The following NALCN variants were observed in gnomAD, a reference collection of about 807,000 sequenced individuals.
The protein encoded by NALCN is sodium leak channel NALCN.
Under a neutral mutation model 225.3 loss-of-function variants are expected in NALCN, and 111 were observed. The observed-to-expected ratio is 0.49, with a 90% confidence interval of 0.42 to 0.58. The LOEUF (loss-of-function observed/expected upper bound fraction) is 0.58. NALCN is among the 20% of genes least tolerant of loss of function. The pLI is 0.00. For missense variants in NALCN, 1,378 were observed against 2,202.4 expected (o/e 0.63, Z 7.49); for synonymous variants, 764 against 769.0 (o/e 0.99, Z 0.11).
At chr13:101,127,389 C>T (rs538523881) in intron 17 of NALCN, among the ~76,000 whole-genome samples, 49 of 152,238 alleles carry the variant, frequency 3.2e-4, no homozygotes, top group Non-Finnish European at 6.5e-4. Flanking sequence ...GAAAGAGTCT[C>T]ACTCTGTTGC....
At chr13:101,172,542 G>T (rs887004448) in intron 15 of NALCN, among the ~76,000 whole-genome samples, 3 of 152,062 alleles carry the variant, frequency 2.0e-5, no homozygotes, top group Admixed American at 2.0e-4. Flanking sequence ...ACTGAGTGTT[G>T]CATGTTAACA....
At chr13:101,290,558 C>A (rs951200018) in intron 9 of NALCN, among the ~76,000 whole-genome samples, 2 of 152,172 alleles carry the variant, frequency 1.3e-5, no homozygotes, top group African/African-American at 4.8e-5. Flanking sequence ...TTCAAAAAAC[C>A]TTTCATGGAA....
intron 6 of NALCN, among the ~76,000 whole-genome samples, chr13:101,366,598 A>ACATACCATC (rs2046382677): frequency 2.0e-5 from 3 of 152,180 alleles, no homozygotes; most frequent in African/African-American, 7.2e-5. Flanking sequence ...ACCTTAGCTT[A>ACATACCATC]ATATGTGACT....
intron 1 of NALCN, among the ~76,000 whole-genome samples, chr13:101,414,189 G>C (rs1272278893): frequency 6.6e-6 from 1 of 151,940 alleles, no homozygotes; most frequent in African/African-American, 2.4e-5. Context: ...GTGGCCTTGG[G>C]GACCATTCTT....
At chr13:101,298,557 G>A (rs1454652918) in intron 7 of NALCN, among the ~76,000 whole-genome samples, 3 of 152,124 alleles carry the variant, frequency 2.0e-5, no homozygotes, top group Admixed American at 6.5e-5. Context: ...CCTGACCTCA[G>A]GTGATCCACT....
rs1566669133 is a variant in NALCN, at chr13:101,415,224, T to TATATATATATATATATATATAC, written c.-40+1088_-40+1089insGTATATATATATATATATATAT. On this transcript the variant is annotated intron_variant, in intron 1 of 43. Coordinates refer to ENST00000251127, the MANE Select transcript of NALCN (RefSeq NM_052867.4). ...AATCACACACATATATATATATATA[T>TATATATATATATATATATATAC]ACATACATATATATTTCAAAATCGC... 1.1e-3 allele frequency among the ~76,000 whole-genome samples: 81 copies of TATATATATATATATATATATAC among 76,762 alleles called. 2 individuals carry two copies. The highest frequency in any genetic ancestry group is 1.7e-3 in the Non-Finnish European group (64 of 38,414). 50.4% of individuals were successfully genotyped at this position (76,762 alleles called of 152,430 possible).
chr13:101,064,408 A>T (rs905778508), intron 40 of NALCN, among the ~76,000 whole-genome samples: 17 of 152,170 alleles, frequency 1.1e-4, no homozygotes, highest in African/African-American at 3.9e-4. Context: ...TGGAGTCCTA[A>T]CCTCTAGTAC....
chr13:101,395,155 T>G, intron 3 of NALCN, 28 bp downstream of exon 3: 1 of 1,590,510 alleles, frequency 6.3e-7, no homozygotes, highest in Non-Finnish European at 8.6e-7. Context: ...ATTTAGGTTC[T>G]TAGTTTAAAT....
intron 6 of NALCN, among the ~76,000 whole-genome samples, chr13:101,356,511 T>C (rs1384558728): frequency 6.6e-6 from 1 of 152,016 alleles, no homozygotes; most frequent in Non-Finnish European, 1.5e-5. Context: ...AATAAACCAA[T>C]AACAAGTTCT....
At chr13:101,259,044 C>T (rs2042331827) in intron 10 of NALCN, among the ~76,000 whole-genome samples, 2 of 152,088 alleles carry the variant, frequency 1.3e-5, no homozygotes, top group Admixed American at 6.5e-5. Flanking sequence ...TTACTTATTA[C>T]TTCCATAAAT....
At chr13:101,203,392 T>A (rs892264297) in intron 13 of NALCN, among the ~76,000 whole-genome samples, 4 of 152,126 alleles carry the variant, frequency 2.6e-5, no homozygotes, top group African/African-American at 9.7e-5. Flanking sequence ...ACTTTTGTAT[T>A]TTTTAGTAGA....
chr13:101,085,984 T>C (rs1259663472), intron 30 of NALCN, among the ~76,000 whole-genome samples: 2 of 152,152 alleles, frequency 1.3e-5, no homozygotes, highest in African/African-American at 4.8e-5. Context: ...TTTCTAGTTT[T>C]TTCTGTAAGT....
At chr13:101,340,412 C>G (rs1011543770) in intron 7 of NALCN, among the ~76,000 whole-genome samples, 1 of 152,196 alleles carries the variant, frequency 6.6e-6, no homozygotes, top group Non-Finnish European at 1.5e-5. Context: ...TATCTATGTC[C>G]TGCCCTCCCT....
At chr13:101,274,579 CAT>C (rs1374064471) in intron 10 of NALCN, among the ~76,000 whole-genome samples, 1 of 152,128 alleles carries the variant, frequency 6.6e-6, no homozygotes, top group Non-Finnish European at 1.5e-5. Flanking sequence ...CTGACAGACA[CAT>C]AGGTATTTTT....
chr13:101,347,204 A>T (rs1195286713), intron 6 of NALCN, among the ~76,000 whole-genome samples: 1 of 151,952 alleles, frequency 6.6e-6, no homozygotes, highest in African/African-American at 2.4e-5. Flanking sequence ...TCTCAGCCAT[A>T]AACAAAGCTC....
intron 10 of NALCN, among the ~76,000 whole-genome samples, chr13:101,281,245 A>G (rs1285648359): frequency 6.6e-6 from 1 of 152,114 alleles, no homozygotes; most frequent in South Asian, 2.1e-4. Flanking sequence ...TGCATCTTGC[A>G]TTACTTCTTT....
intron 15 of NALCN, among the ~76,000 whole-genome samples, chr13:101,155,765 C>A (rs2037871457): frequency 1.3e-5 from 2 of 152,018 alleles, no homozygotes; most frequent in Admixed American, 6.6e-5. Context: ...AAAGCTGCTA[C>A]AATAATTAAA....
At chr13:101,346,966 G>A (rs995165848) in intron 6 of NALCN, among the ~76,000 whole-genome samples, 11 of 152,140 alleles carry the variant, frequency 7.2e-5, no homozygotes, top group Non-Finnish European at 5.9e-5. Flanking sequence ...AGTCACGTGA[G>A]TTTCTGACCA....
chr13:101,235,020 T>C (rs982734636), intron 12 of NALCN, among the ~76,000 whole-genome samples: 1 of 151,904 alleles, frequency 6.6e-6, no homozygotes, highest in African/African-American at 2.4e-5. Context: ...GGTTTCTTTC[T>C]AGTCATTTTT....
Sources: allele counts gnomAD v4.1 joint callset (sites outside exome capture counted in the v4.1 genomes callset), GRCh38; gene constraint gnomAD v4.1.1; transcripts MANE v1.5; gene names NCBI Gene and HGNC (gene_info 2026-07-23, HGNC 2026-07-21).